Variants in SGCZ observed in about 807,000 individuals in gnomAD.
The protein encoded by SGCZ is sarcoglycan zeta.
In SGCZ, 40 loss-of-function variants were observed where a neutral mutation model predicts 41.3. The observed-to-expected ratio is 0.97, with a 90% confidence interval of 0.75 to 1.26. The LOEUF (loss-of-function observed/expected upper bound fraction) is 1.26. Among genes scored for constraint, SGCZ ranks in the 50% most tolerant of loss-of-function variants. The pLI is 0.00. For synonymous variants in SGCZ, 206 were observed against 137.5 expected, an observed-to-expected ratio of 1.50 and a Z score of -3.49; for missense variants, 552 against 369.8, an observed-to-expected ratio of 1.49 and a Z score of -4.04.
chr8:15,179,272 T>C (rs1800092202), intron 1 of SGCZ, among the ~76,000 whole-genome samples: 1 of 152,160 alleles, frequency 6.6e-6, no homozygotes, highest in Admixed American at 6.5e-5. Context: ...ATGAGGATGG[T>C]GTATATGAAT....
chr8:14,236,060 G>C (rs1019747158), intron 4 of SGCZ, among the ~76,000 whole-genome samples: 2 of 152,152 alleles, frequency 1.3e-5, no homozygotes, highest in African/African-American at 2.4e-5. Flanking sequence ...GTTCTATCTG[G>C]CTGAAGAGTT....
At chr8:14,393,254 A>T (rs1366807163) in intron 2 of SGCZ, among the ~76,000 whole-genome samples, 5 of 152,138 alleles carry the variant, frequency 3.3e-5, no homozygotes, top group African/African-American at 7.2e-5. Flanking sequence ...CTTTAATGAA[A>T]ACCAGCCCCA....
chr8:15,106,644 C>T (rs986110094), intron 1 of SGCZ, among the ~76,000 whole-genome samples: 3 of 151,952 alleles, frequency 2.0e-5, no homozygotes, highest in Admixed American at 1.3e-4. Flanking sequence ...ATTTGTAGAT[C>T]TATTTCTTGG....
intron 1 of SGCZ, among the ~76,000 whole-genome samples, chr8:14,800,683 C>T (rs1391782084): frequency 6.6e-6 from 1 of 152,126 alleles, no homozygotes; most frequent in Non-Finnish European, 1.5e-5. Context: ...CTTTGCTTCC[C>T]TTTCCCCTTC....
At chr8:14,829,033 T>C (rs1252964581) in intron 1 of SGCZ, among the ~76,000 whole-genome samples, 1 of 152,108 alleles carries the variant, frequency 6.6e-6, no homozygotes, top group Admixed American at 6.5e-5. Context: ...TTCTTTGAAC[T>C]TTTAAGTTCA....
rs140030569 is a variant in SGCZ at position 15,134,761 on chromosome 8, C to T, written c.39+102824G>A. 7.9e-5 allele frequency among the ~76,000 whole-genome samples: 12 copies of T among 152,172 alleles called. 1 individual carries two copies. The East Asian group carries it at 2.1e-3, about 27-fold the overall frequency. On this transcript the variant is annotated intron_variant, in intron 1 of 7. Transcript: ENST00000382080. ...TACAGAGAATATTCCAGAAAGGATG[C>T]AGTAATGATCAAATGAGTTTGGAAA...
At chr8:14,613,928 C>T (rs1806013423) in intron 1 of SGCZ, among the ~76,000 whole-genome samples, 1 of 152,048 alleles carries the variant, frequency 6.6e-6, no homozygotes, top group South Asian at 2.1e-4. Context: ...CGTTATCTTG[C>T]CATGAAACAA....
rs67046431 is a variant in SGCZ, at chr8:14,407,065, C to CTT, written c.235-82863_235-82862dup. Among the ~76,000 whole-genome samples, 402 of 87,160 alleles carry CTT rather than the reference C, an allele frequency of 4.6e-3. 3 individuals carry two copies. The highest frequency in any genetic ancestry group is 0.012 in the African/African-American group (294 of 24,288). 57.2% of individuals were successfully genotyped at this position (87,160 alleles called of 152,430 possible). A position where few individuals can be genotyped will look rare whatever the true frequency, so the allele number is the denominator to read the frequency against. Reference sequence around the variant, plus strand: ...CAAATTCTATAAGTTATGAGTTTTCCTTTTTTTTTTTTTTTTTTTTTTGAG... The same window carrying CTT: ...CAAATTCTATAAGTTATGAGTTTTCCTTTTTTTTTTTTTTTTTTTTTTTTGAG... On this transcript the variant is annotated intron_variant, in intron 2 of 7. Coordinates refer to ENST00000382080, the MANE Select transcript of SGCZ (RefSeq NM_139167.4).
intron 1 of SGCZ, among the ~76,000 whole-genome samples, chr8:14,593,485 C>T (rs566397946): frequency 2.6e-5 from 4 of 152,188 alleles, no homozygotes; most frequent in African/African-American, 9.6e-5. Flanking sequence ...GTTTTAGCGG[C>T]AATGGGAAAC....
chr8:14,758,498 C>T (rs963828123), intron 1 of SGCZ, among the ~76,000 whole-genome samples: 2 of 152,100 alleles, frequency 1.3e-5, no homozygotes, highest in Admixed American at 1.3e-4. Flanking sequence ...GAATTGGTTT[C>T]TAATTAGAAG....
chr8:14,636,162 G>A (rs1221450974), intron 1 of SGCZ, among the ~76,000 whole-genome samples: 1 of 151,834 alleles, frequency 6.6e-6, no homozygotes, highest in East Asian at 1.9e-4. Flanking sequence ...CATAATAGAG[G>A]ATGAGAGGAA....
At chr8:15,151,921 C>G (rs933645085) in intron 1 of SGCZ, among the ~76,000 whole-genome samples, 8 of 152,100 alleles carry the variant, frequency 5.3e-5, no homozygotes, top group Non-Finnish European at 1.2e-4. Flanking sequence ...ATGTGTAAAC[C>G]ACATACACTA....
At chr8:14,457,748 CT>C (rs1345264050) in intron 2 of SGCZ, among the ~76,000 whole-genome samples, 8 of 152,222 alleles carry the variant, frequency 5.3e-5, no homozygotes, top group Admixed American at 6.5e-5. Flanking sequence ...GAAGGGCCCC[CT>C]GTCCAGTGGA....
At chr8:14,604,606 T>C (rs1276322692) in intron 1 of SGCZ, among the ~76,000 whole-genome samples, 2 of 152,168 alleles carry the variant, frequency 1.3e-5, no homozygotes, top group East Asian at 3.8e-4. Flanking sequence ...AAAAGGATTA[T>C]CATTCCTCCA....
At chr8:14,940,444 T>G (rs1375489805) in intron 1 of SGCZ, among the ~76,000 whole-genome samples, 2 of 152,100 alleles carry the variant, frequency 1.3e-5, no homozygotes, top group Non-Finnish European at 2.9e-5. Context: ...TATATCAACA[T>G]GCAGCAAAAA....
chr8:14,107,524 T>G (rs1166167814), intron 6 of SGCZ, among the ~76,000 whole-genome samples: 1 of 152,232 alleles, frequency 6.6e-6, no homozygotes, highest in Non-Finnish European at 1.5e-5. Flanking sequence ...TAATACTCCG[T>G]GGTCATTTAT....
Position 14,191,329 on chromosome 8 carries a change from T to C in SGCZ, c.425-26627A>G, listed in dbSNP as rs147923610. Among the ~76,000 whole-genome samples, 452 of 152,310 alleles carry C rather than the reference T, an allele frequency of 3.0e-3. 5 individuals carry two copies. Among genetic ancestry groups the C allele is most frequent in the African/African-American group, 0.01 (427 of 41,564 alleles). ...ATTATTTCCTTTGCTGTGTTGAAAG[T>C]TTTTAGTTTGATACAACCTCACTTA... On this transcript the variant is annotated intron_variant, in intron 4 of 7. Transcript: ENST00000382080.
intron 4 of SGCZ, among the ~76,000 whole-genome samples, chr8:14,206,830 G>T (rs1293065125): frequency 6.6e-6 from 1 of 152,076 alleles, no homozygotes; most frequent in African/African-American, 2.4e-5. Flanking sequence ...TTAGGCAGTT[G>T]CATTCAGTAT....
chr8:14,677,076 A>C (rs939246500), intron 1 of SGCZ, among the ~76,000 whole-genome samples: 6 of 151,992 alleles, frequency 3.9e-5, no homozygotes, highest in African/African-American at 1.4e-4. Context: ...AAAAGAACTG[A>C]CCAAAAAAAA....
Sources: allele counts gnomAD v4.1 joint callset (sites outside exome capture counted in the v4.1 genomes callset), GRCh38; gene constraint gnomAD v4.1.1; transcripts MANE v1.5; gene names NCBI Gene and HGNC (gene_info 2026-07-23, HGNC 2026-07-21).